The following ATP8A1 variants were observed in gnomAD, a reference collection of about 807,000 sequenced individuals.
ATP8A1 encodes the protein ATPase phospholipid transporting 8A1.
ATP8A1 carries 90 observed loss-of-function variants against 177.7 expected under a neutral mutation model. The observed-to-expected ratio is 0.51, with a 90% CI of 0.43 to 0.60. The LOEUF (loss-of-function observed/expected upper bound fraction) is 0.60, where lower values mean the gene tolerates loss of function less well. Ranked by LOEUF, ATP8A1 falls within the 20% of genes least tolerant of loss-of-function variation. ATP8A1 has a pLI of 0.00. For missense variants in ATP8A1, 1,072 were observed against 1,392.8 expected (o/e 0.77, Z 3.67); for synonymous variants, 493 against 485.9 (o/e 1.01, Z -0.19).
At chr4:42,492,876 T>A (rs764878993) in intron 24 of ATP8A1, among the ~76,000 whole-genome samples, 2 of 152,196 alleles carry the variant, frequency 1.3e-5, no homozygotes, top group African/African-American at 4.8e-5. Flanking sequence ...CTCTACAGTA[T>A]CAGCAACACA....
intron 21 of ATP8A1, among the ~76,000 whole-genome samples, chr4:42,523,045 T>C (rs1453109161): frequency 1.3e-5 from 2 of 152,184 alleles, no homozygotes; most frequent in Non-Finnish European, 1.5e-5. Context: ...CTAGGATATA[T>C]GACTGCATTT....
chr4:42,485,031 G>A (rs148158110), intron 25 of ATP8A1, among the ~76,000 whole-genome samples: 1 of 152,228 alleles, frequency 6.6e-6, no homozygotes, highest in East Asian at 1.9e-4. Flanking sequence ...TTTTAATTTA[G>A]GATATAGGCA....
chr4:42,609,057 GA>G (rs1425514104), intron 5 of ATP8A1, among the ~76,000 whole-genome samples: 1 of 152,126 alleles, frequency 6.6e-6, no homozygotes, highest in African/African-American at 2.4e-5. Flanking sequence ...AAAGACAATG[GA>G]AACTTCCTGG....
At chr4:42,649,306 A>C (rs1740854609) in intron 1 of ATP8A1, among the ~76,000 whole-genome samples, 1 of 152,194 alleles carries the variant, frequency 6.6e-6, no homozygotes. Context: ...ACAGTAGACA[A>C]AATTTACACA....
chr4:42,641,416 A>G (rs1739982387), intron 1 of ATP8A1, among the ~76,000 whole-genome samples: 1 of 152,098 alleles, frequency 6.6e-6, no homozygotes, highest in Non-Finnish European at 1.5e-5. Flanking sequence ...TGAGGTATTC[A>G]AGCCATATCA....
intron 20 of ATP8A1, among the ~76,000 whole-genome samples, chr4:42,543,227 A>G (rs1728583538): frequency 6.6e-6 from 1 of 152,154 alleles, no homozygotes; most frequent in African/African-American, 2.4e-5. Flanking sequence ...AGTTTCTATG[A>G]GACAAAGCAA....
chr4:42,587,119 T>C (rs2109357985), intron 8 of ATP8A1, among the ~76,000 whole-genome samples: 1 of 152,294 alleles, frequency 6.6e-6, no homozygotes, highest in South Asian at 2.1e-4. Context: ...TATTTTTGCT[T>C]GACACGATAT....
rs202091006 is a variant in ATP8A1 at position 42,478,574 on chromosome 4, C to A, written c.2324+6922G>T. ...GGGGAATACACACACAAAAAAAAAACCACATAAAAAAATCAAAGAGCCACT... is the reference window on the plus strand; with the variant it reads ...GGGGAATACACACACAAAAAAAAAAACACATAAAAAAATCAAAGAGCCACT... On this transcript the variant is annotated intron_variant, in intron 25 of 36. Coordinates refer to ENST00000381668, the MANE Select transcript of ATP8A1 (RefSeq NM_006095.2). Among the ~76,000 whole-genome samples the A allele has an allele frequency of 1.4e-3, 22 of 15,700 alleles. No individual in the cohort carries two copies. In the Admixed American group the frequency reaches 0.014, roughly 10 times the overall value. The allele number at this position is 15,700 out of a possible 152,430, so 10.3% of individuals were successfully genotyped here. A position where few individuals can be genotyped will look rare whatever the true frequency, so the allele number is the denominator to read the frequency against.
At chr4:42,585,205 C>T (rs1487722058) in intron 9 of ATP8A1, among the ~76,000 whole-genome samples, 1 of 152,048 alleles carries the variant, frequency 6.6e-6, no homozygotes, top group Non-Finnish European at 1.5e-5. Context: ...ACTGTGACCA[C>T]CCTAACAAAA....
chr4:42,560,055 C>T (rs964258587), intron 15 of ATP8A1, among the ~76,000 whole-genome samples: 1 of 152,114 alleles, frequency 6.6e-6, no homozygotes, highest in Non-Finnish European at 1.5e-5. Context: ...AAAGGCCCAT[C>T]AGTAGTGCTG....
intron 33 of ATP8A1, among the ~76,000 whole-genome samples, chr4:42,435,426 CAAAAAAAAA>C (rs55945370): frequency 4.3e-5 from 4 of 93,994 alleles, no homozygotes; most frequent in African/African-American, 1.1e-4. Context: ...GACTTCATCT[CAAAAAAAAA>C]AAAAAAAAAA....
At chr4:42,597,559 C>T (rs1734839261) in intron 6 of ATP8A1, among the ~76,000 whole-genome samples, 2 of 152,202 alleles carry the variant, frequency 1.3e-5, no homozygotes, top group African/African-American at 2.4e-5. Flanking sequence ...TGTGTTGCTA[C>T]ACCATGTGAC....
chr4:42,635,824 T>A (rs538258473), intron 1 of ATP8A1, among the ~76,000 whole-genome samples: 3 of 128,612 alleles, frequency 2.3e-5, no homozygotes, highest in Non-Finnish European at 5.1e-5. Context: ...CATGTATGTA[T>A]GTATGTAAGC....
chr4:42,589,620 T>C (rs879142734), intron 7 of ATP8A1, among the ~76,000 whole-genome samples: 4 of 152,194 alleles, frequency 2.6e-5, no homozygotes, highest in African/African-American at 9.6e-5. Flanking sequence ...CCTTCAATAT[T>C]TATATTTTCA....
At chr4:42,656,674 G>T in intron 1 of ATP8A1, 151 bp downstream of exon 1, 2 of 843,852 alleles carry the variant, frequency 2.4e-6, no homozygotes, top group Non-Finnish European at 3.5e-6. Context: ...GGGGCAGCGC[G>T]GGGGGAAGGG....
At chr4:42,627,194 ATC>A in intron 1 of ATP8A1, 85 bp from the exon 2 acceptor site, 2 of 963,416 alleles carry the variant, frequency 2.1e-6, no homozygotes, top group Non-Finnish European at 3.2e-6. Context: ...AGAATATGAA[ATC>A]TGTTAAAAGC....
At position 42,473,012 on chromosome 4, in the gene ATP8A1, A is replaced by G. The variant is rs181069359; in HGVS notation, c.2325-7936T>C. 9.7e-3 allele frequency among the ~76,000 whole-genome samples: 1,475 copies of G among 152,310 alleles called. 20 individuals are homozygous for G. The highest frequency in any genetic ancestry group is 0.016 in the Non-Finnish European group (1,092 of 68,024). On this transcript the variant is annotated intron_variant, in intron 25 of 36. Coordinates refer to ENST00000381668, the MANE Select transcript of ATP8A1 (RefSeq NM_006095.2). ...AGGCAAGAAGAATATTGACAGCGGA[A>G]AAGTATCAGGGAAGTTCTAGATACT...
At chr4:42,609,351 T>C (rs1187113168) in intron 5 of ATP8A1, among the ~76,000 whole-genome samples, 1 of 152,190 alleles carries the variant, frequency 6.6e-6, no homozygotes, top group Non-Finnish European at 1.5e-5. Context: ...AACATCAATA[T>C]AAGTGGCACG....
In ATP8A1 at chr4:42,581,646, G is replaced by A; in HGVS notation, c.809C>T (p.Thr270Ile). ...CTGCATCAGCTTGGTGTCATGTCCAGTGTAGACAACTATTCCATGAACCCA... is the reference window on the plus strand; with the variant it reads ...CTGCATCAGCTTGGTGTCATGTCCAATGTAGACAACTATTCCATGAACCCA... ...TQWVHGIVVY[T>I]GHDTKLMQNS... The change falls in exon 10 of 37, where the codon ACT becomes ATT. Residue 270 changes from threonine to isoleucine, a missense_variant. Coordinates refer to ENST00000381668, the MANE Select transcript of ATP8A1 (RefSeq NM_006095.2). 1 of 1,613,986 alleles carries A rather than the reference G, an allele frequency of 6.2e-7. No individual in the cohort carries two copies. Among genetic ancestry groups the A allele is most frequent in the Non-Finnish European group, 8.5e-7 (1 of 1,179,842 alleles).
Sources: gnomAD v4.1 joint callset for allele counts (sites outside exome capture counted in the v4.1 genomes callset) on GRCh38, gnomAD v4.1.1 for gene constraint, MANE v1.5 for transcripts, NCBI Gene and HGNC (gene_info 2026-07-23, HGNC 2026-07-21) for gene names.